Variants in SUGCT observed in about 807,000 individuals in gnomAD.
SUGCT encodes succinyl-CoA:glutarate-CoA transferase.
A neutral mutation model predicts 55.0 loss-of-function variants in SUGCT; 41 were observed. The ratio of observed to expected loss-of-function variants is 0.74; its 90% CI spans 0.58 to 0.97. SUGCT has a LOEUF of 0.97. Among genes scored for constraint, SUGCT ranks in the 50% least tolerant of loss-of-function variants. The pLI is 0.00. For missense variants in SUGCT, 568 were observed against 547.8 expected (o/e 1.04, Z -0.37); for synonymous variants, 187 against 200.4 (o/e 0.93, Z 0.56).
At chr7:40,707,766 A>G (rs1162076810) in intron 12 of SUGCT, among the ~76,000 whole-genome samples, 1 of 152,192 alleles carries the variant, frequency 6.6e-6, no homozygotes, top group Non-Finnish European at 1.5e-5. Context: ...TAAAAAAGGA[A>G]TCTCCATGGA....
the SUGCT span, among the ~76,000 whole-genome samples, chr7:40,977,158 T>G: frequency 3.3e-5 from 5 of 152,140 alleles, no homozygotes; most frequent in Admixed American, 3.3e-4. Flanking sequence ...CGCAGACAAA[T>G]GGCCGTGAAT....
chr7:40,317,662 G>A (rs1795512398), intron 9 of SUGCT, among the ~76,000 whole-genome samples: 1 of 152,162 alleles, frequency 6.6e-6, no homozygotes, highest in African/African-American at 2.4e-5. Flanking sequence ...CAATGTTAGT[G>A]CTCTTGGGAG....
chr7:40,441,538 G>T (rs537176504), intron 9 of SUGCT, among the ~76,000 whole-genome samples: 15 of 152,208 alleles, frequency 9.9e-5, no homozygotes, highest in Admixed American at 7.2e-4. Flanking sequence ...GATATTTTGT[G>T]TCATTAAAAA....
chr7:40,856,108 C>A (rs766096326), intron 13 of SUGCT, among the ~76,000 whole-genome samples: 1 of 152,162 alleles, frequency 6.6e-6, no homozygotes, highest in African/African-American at 2.4e-5. Context: ...AACTGGCATC[C>A]GCTTGCTCTT....
chr7:40,737,434 ATTATAAT>A (rs1216209065), intron 12 of SUGCT, among the ~76,000 whole-genome samples: 2 of 152,160 alleles, frequency 1.3e-5, no homozygotes, highest in Admixed American at 1.3e-4. Context: ...TTTTTCTTTT[ATTATAAT>A]TTATGTCTAT....
the SUGCT span, among the ~76,000 whole-genome samples, chr7:40,994,169 G>C: frequency 6.6e-6 from 1 of 152,166 alleles, no homozygotes; most frequent in African/African-American, 2.4e-5. Context: ...ATGCAATGCA[G>C]ATCAGGACAT....
the SUGCT span, among the ~76,000 whole-genome samples, chr7:40,877,497 G>C: frequency 6.6e-6 from 1 of 152,278 alleles, no homozygotes; most frequent in East Asian, 1.9e-4. Context: ...TGTGTGAATG[G>C]AGTTTTTCTC....
chr7:40,971,552 G>A, the SUGCT span, among the ~76,000 whole-genome samples: 1 of 152,140 alleles, frequency 6.6e-6, no homozygotes, highest in African/African-American at 2.4e-5. Context: ...AGTGATTGAG[G>A]GCTGAGTCTC....
the SUGCT span, among the ~76,000 whole-genome samples, chr7:40,907,140 TGAGAGA>T: frequency 4.8e-3 from 141 of 29,178 alleles, no homozygotes; most frequent in East Asian, 0.055. Flanking sequence ...TGTGTGTGTG[TGAGAGA>T]GAGAGAGAGA....
chr7:40,496,310 G>A lies in SUGCT; in HGVS notation c.1013G>A (p.Trp338Ter). 6.2e-7 allele frequency: 1 copy of A among 1,612,728 alleles called. No individual in the cohort carries two copies. Among genetic ancestry groups the A allele is most frequent in the Non-Finnish European group, 8.5e-7 (1 of 1,179,240 alleles). ...TTTGAAGAAGAACTGACCAGCAAGT[G>A]GTTATATCTTTTTGAAGGCAGTGGA... ...ERFEEELTSK[W>*]LYLFEGSGVP... The change falls in exon 12 of 14, where the codon TGG becomes TAG. Residue 338 changes from tryptophan to a stop codon, truncating the protein, a stop_gained. Coordinates refer to ENST00000335693, the MANE Select transcript of SUGCT (RefSeq NM_001193313.2). LOFTEE classifies it high-confidence loss of function.
At chr7:40,666,314 A>G (rs1001465450) in intron 12 of SUGCT, among the ~76,000 whole-genome samples, 1 of 147,862 alleles carries the variant, frequency 6.8e-6, no homozygotes, top group African/African-American at 2.6e-5. Context: ...CACACCTTGC[A>G]CTCCAGCCTG....
At position 40,512,545 on chromosome 7, in the gene SUGCT, A is replaced by G. The variant is rs547947002; in HGVS notation, c.1089+16159A>G. Reference sequence around the variant, plus strand: ...TGACTTTGGGCATTACTCAACTTCTATATGCCTCAGTTTTCTTTAAATATT... The same window carrying G: ...TGACTTTGGGCATTACTCAACTTCTGTATGCCTCAGTTTTCTTTAAATATT... On this transcript the variant is annotated intron_variant, in intron 12 of 13. Transcript: ENST00000335693. Among the ~76,000 whole-genome samples the G allele has an allele frequency of 5.9e-5, 9 of 152,218 alleles. No homozygotes were observed. In the South Asian group the frequency reaches 1.7e-3, roughly 28 times the overall value.
intron 13 of SUGCT, among the ~76,000 whole-genome samples, chr7:40,806,640 G>T (rs1242440763): frequency 6.6e-6 from 1 of 151,990 alleles, no homozygotes; most frequent in Non-Finnish European, 1.5e-5. Flanking sequence ...CTGAAATCAG[G>T]TTCTAATTTC....
chr7:40,164,296 T>G (rs1170969483), intron 1 of SUGCT, among the ~76,000 whole-genome samples: 1 of 151,978 alleles, frequency 6.6e-6, no homozygotes, highest in Admixed American at 6.6e-5. Flanking sequence ...CCCAGCTAAT[T>G]TTTTTGTATT....
chr7:40,415,194 C>T (rs1020394887), intron 9 of SUGCT, among the ~76,000 whole-genome samples: 29 of 144,964 alleles, frequency 2.0e-4, no homozygotes, highest in African/African-American at 7.2e-4. Flanking sequence ...CACTTGAGCC[C>T]GGGAGGCAGA....
chr7:40,669,344 T>G (rs1252925459), intron 12 of SUGCT, among the ~76,000 whole-genome samples: 1 of 107,022 alleles, frequency 9.3e-6, no homozygotes, highest in African/African-American at 5.1e-5. Context: ...TTGTGTAAGC[T>G]TCAAAAAAAA....
intron 9 of SUGCT, among the ~76,000 whole-genome samples, chr7:40,378,111 GAT>G (rs1007165057): frequency 3.9e-4 from 11 of 27,884 alleles, no homozygotes; most frequent in Admixed American, 7.1e-4. Flanking sequence ...TGATGTGTAG[GAT>G]ATTTTTTTTT....
intron 12 of SUGCT, among the ~76,000 whole-genome samples, chr7:40,593,385 C>T (rs550725810): frequency 6.6e-6 from 1 of 152,230 alleles, no homozygotes; most frequent in Admixed American, 6.5e-5. Context: ...ATTTTAGGGG[C>T]AGTAGATGGA....
At chr7:40,165,144 CTG>C (rs1784359144) in intron 1 of SUGCT, among the ~76,000 whole-genome samples, 2 of 152,214 alleles carry the variant, frequency 1.3e-5, no homozygotes, top group African/African-American at 4.8e-5. Context: ...GTTAAATTCT[CTG>C]TAAATCATCA....
Sources: allele counts gnomAD v4.1 joint callset (sites outside exome capture counted in the v4.1 genomes callset), GRCh38; gene constraint gnomAD v4.1.1; transcripts MANE v1.5; gene names NCBI Gene and HGNC (gene_info 2026-07-23, HGNC 2026-07-21).